Variants in CDC25B observed in about 807,000 individuals in gnomAD.
CDC25B encodes the protein M-phase inducer phosphatase 2.
In CDC25B, 33 loss-of-function variants were observed where a neutral mutation model predicts 69.8. The observed-to-expected ratio is 0.47, with a 90% confidence interval of 0.36 to 0.63. The LOEUF is 0.63. CDC25B is among the 30% of genes least tolerant of loss of function. The pLI is 0.00. For synonymous variants in CDC25B, 341 were observed against 314.6 expected (o/e 1.08, Z -0.89); for missense variants, 727 against 809.1 (o/e 0.90, Z 1.23).
chr20:3,796,449 C>G lies in CDC25B; in HGVS notation c.-83C>G, dbSNP rs896882443. 3 of 871,050 alleles carry G rather than the reference C, an allele frequency of 3.4e-6. No homozygotes were observed. The highest frequency in any genetic ancestry group is 1.3e-4 in the East Asian group (1 of 7,432). 54.0% of individuals were successfully genotyped at this position (871,050 alleles called of 1,614,324 possible). On this transcript the variant is annotated 5_prime_UTR_variant, in exon 1 of 16. Transcript: ENST00000245960. ...CCCCCCCACCCCTCGCCCGCTGCCT[C>G]CCTCGGCCCAGCCAGCTGTGCCGGC...
In CDC25B at chr20:3,803,544, C is replaced by G; in HGVS notation, c.1490+7C>G. 1.2e-6 allele frequency: 2 copies of G among 1,613,860 alleles called. No individual in the cohort carries two copies. The highest frequency in any genetic ancestry group is 2.2e-5 in the East Asian group (1 of 44,876). On this transcript the variant is annotated splice_region_variant and intron_variant, in intron 14 of 15. Coordinates refer to ENST00000245960, the MANE Select transcript of CDC25B (RefSeq NM_021873.4). The surrounding 1 kb of genome is among the most constrained non-coding windows in gnomAD (Gnocchi z 4.9). ...CTGAGCGTGGGCCCCGCATGTGAGT[C>G]CCAGCTCCGCCCAGCCAGCTAGTGT...
rs150900008 is a variant in CDC25B, at chr20:3,803,815, G to C, written c.1490+278G>C. Among the ~76,000 whole-genome samples, 7 of 152,108 alleles carry C rather than the reference G, an allele frequency of 4.6e-5. No individual in the cohort carries two copies. Among genetic ancestry groups the C allele is most frequent in the Admixed American group, 4.6e-4 (7 of 15,262 alleles). ...CAAGTCTCTAGCGGTGTCTTTTCTCGAAATCTAAGGGCCGCGTGTCAGTCC... is the reference window on the plus strand; with the variant it reads ...CAAGTCTCTAGCGGTGTCTTTTCTCCAAATCTAAGGGCCGCGTGTCAGTCC... On this transcript the variant is annotated intron_variant, in intron 14 of 15. Coordinates refer to ENST00000245960, the MANE Select transcript of CDC25B (RefSeq NM_021873.4). The surrounding 1 kb of genome is among the most constrained non-coding windows in gnomAD (Gnocchi z 4.9).
intron 1 of CDC25B, 136 bp from the exon 2 acceptor site, chr20:3,797,486 C>T (rs2146671568): frequency 1.8e-6 from 2 of 1,117,436 alleles, no homozygotes; most frequent in East Asian, 4.8e-5. Context: ...GAAGAGGGGG[C>T]CCTCAGGGCC....
rs868511318 is a variant in CDC25B, at chr20:3,800,739, C to G, written c.460-4C>G. The G allele has an allele frequency of 6.2e-6, 10 of 1,607,984 alleles. No individual in the cohort carries two copies. Among genetic ancestry groups the G allele is most frequent in the Middle Eastern group, 1.7e-4 (1 of 6,042 alleles). ...TCTGCCTGCCGCCCTGCCTGGCTCT[C>G]TAGGTGAGGCTGCTGGGCCACAGCC... On this transcript the variant is annotated splice_polypyrimidine_tract_variant and splice_region_variant and intron_variant, in intron 5 of 15. Transcript: ENST00000245960.
upstream of CDC25B, chr20:3,795,997 G>A: frequency 1.0e-6 from 1 of 989,498 alleles, no homozygotes; most frequent in Non-Finnish European, 1.2e-6. Flanking sequence ...ACGACATGCC[G>A]CGGGGGGTCC....
chr20:3,789,619 C>T (rs866778765), intron 1 of CDC25B, among the ~76,000 whole-genome samples: 11 of 152,248 alleles, frequency 7.2e-5, no homozygotes, highest in Middle Eastern at 6.8e-3. Context: ...GATCTGCCTA[C>T]CTTGGCCTCC....
At chr20:3,795,498 A>G (rs915977803), upstream of CDC25B, among the ~76,000 whole-genome samples, 20 of 152,370 alleles carry the variant, frequency 1.3e-4, no homozygotes, top group South Asian at 4.1e-4. Flanking sequence ...AAGTTAGCCA[A>G]ATCATCAATG....
At chr20:3,790,925 C>T (rs2088905210) in intron 1 of CDC25B, among the ~76,000 whole-genome samples, 1 of 152,008 alleles carries the variant, frequency 6.6e-6, no homozygotes, top group African/African-American at 2.4e-5. Flanking sequence ...AGGCTGGTCT[C>T]GAACTCCTGA....
At chr20:3,794,961 A>G (rs894442531), upstream of CDC25B, among the ~76,000 whole-genome samples, 2 of 152,126 alleles carry the variant, frequency 1.3e-5, no homozygotes, top group Admixed American at 6.6e-5. Context: ...TAACCTGGGG[A>G]GACAGGATGC....
chr20:3,789,382 T>C (rs552332473), intron 1 of CDC25B, among the ~76,000 whole-genome samples: 1 of 152,330 alleles, frequency 6.6e-6, no homozygotes, highest in African/African-American at 2.4e-5. Flanking sequence ...TTTAATTTTT[T>C]TTTTTGAGAC....
upstream of CDC25B, among the ~76,000 whole-genome samples, chr20:3,794,668 C>T (rs1481500762): frequency 6.6e-6 from 1 of 152,164 alleles, no homozygotes; most frequent in Non-Finnish European, 1.5e-5. Flanking sequence ...GAAATTCAGT[C>T]TTGCAGAGCC....
chr20:3,800,834 C>T lies in CDC25B; in HGVS notation c.551C>T (p.Ala184Val), dbSNP rs1459178713. 6.2e-7 allele frequency: 1 copy of T among 1,613,708 alleles called. No homozygotes were observed. Among genetic ancestry groups the T allele is most frequent in the Non-Finnish European group, 8.5e-7 (1 of 1,180,034 alleles). Residue 184 changes from alanine (A) to valine (V), a missense_variant, in exon 6 of 16, where the codon GCT becomes GTT. Ala to Val is a moderately conservative substitution (Grantham distance 64). Around this residue, in one of 2 missense-constraint regions of CDC25B, gnomAD observed 368 missense variants for 345.6 expected, o/e 1.06. Coordinates refer to ENST00000245960, the MANE Select transcript of CDC25B (RefSeq NM_021873.4). ...GRRKSEAGSGAASSSGEDKEN... is the reference protein window; with the variant it reads ...GRRKSEAGSGVASSSGEDKEN... The stretch of plus-strand genomic sequence containing the variant: ...AGGAAGAGCGAGGCGGGCAGTGGAG[C>T]TGCCAGCAGCTCTGGGGAAGACAAG...
At chr20:3,799,534 G>A (rs868817016) in intron 3 of CDC25B, among the ~76,000 whole-genome samples, 3 of 150,892 alleles carry the variant, frequency 2.0e-5, no homozygotes, top group Admixed American at 6.6e-5. Context: ...GTGCGCGCGC[G>A]CGCGTAGATG....
chr20:3,803,411 T>G lies in CDC25B; in HGVS notation c.1364T>G (p.Val455Gly), dbSNP rs752380335. 1 of 1,614,016 alleles carries G rather than the reference T, an allele frequency of 6.2e-7. No homozygotes were observed. Among genetic ancestry groups the G allele is most frequent in the South Asian group, 1.1e-5 (1 of 91,072 alleles). ...CTCTGGCTCCTCTGACAGACTGCGGTGAACTTGCCCCTGGAACGCGACGCC... is the reference window on the plus strand; with the variant it reads ...CTCTGGCTCCTCTGACAGACTGCGGGGAACTTGCCCCTGGAACGCGACGCC... ...EYEGGHIKTA[V>G]NLPLERDAES... The change falls in exon 14 of 16, where the codon GTG (valine) becomes GGG (glycine). Residue 455 changes from valine (V) to glycine (G), a missense_variant. Val to Gly is a moderately radical substitution (Grantham distance 109). This residue lies in a region of CDC25B where 359 missense variants were observed against 463.4 expected (regional missense o/e 0.77). Transcript: ENST00000245960. This position sits in a 1 kb window ranked among gnomAD's most constrained non-coding sequence, Gnocchi z 4.9.
rs2089446062 is a variant in CDC25B at position 3,805,482 on chromosome 20, G to C, written c.*521G>C. 1 of 308,132 alleles carries C rather than the reference G, an allele frequency of 3.2e-6. No individual in the cohort carries two copies. The highest frequency in any genetic ancestry group is 5.4e-5 in the East Asian group (1 of 18,478). 19.1% of individuals were successfully genotyped at this position (308,132 alleles called of 1,614,324 possible). On this transcript the variant is annotated 3_prime_UTR_variant, in exon 16 of 16. Coordinates refer to ENST00000245960, the MANE Select transcript of CDC25B (RefSeq NM_021873.4). ...GCCCCTTTCTCTTTTCCCCTTTCCT[G>C]TCCCACCATACGAGCACCTCCAGCC...
intron 5 of CDC25B, 69 bp from the exon 6 acceptor site, chr20:3,800,674 A>G (rs2146687472): frequency 6.3e-7 from 1 of 1,598,934 alleles, no homozygotes; most frequent in Non-Finnish European, 8.5e-7. Flanking sequence ...TGGAGAAGGT[A>G]GGGCCTGGGC....
intron 3 of CDC25B, among the ~76,000 whole-genome samples, chr20:3,799,758 C>T (rs568961059): frequency 6.6e-6 from 1 of 152,188 alleles, no homozygotes; most frequent in African/African-American, 2.4e-5. Flanking sequence ...CAGACTGGAG[C>T]TGACTGGGGG....
In CDC25B at chr20:3,801,738, C is replaced by T. The variant is rs779320071; in HGVS notation, c.857C>T (p.Pro286Leu). ...ESDLKDDDAVPPGMESLISAP... is the reference protein window; with the variant it reads ...ESDLKDDDAVLPGMESLISAP... ...TGGCCTCAGGATGATGATGCAGTTC[C>T]CCCAGGCATGGAGAGTCTCATTAGT... The change falls in exon 9 of 16, where the codon CCC becomes CTC. Residue 286 changes from proline (P) to leucine (L), a missense_variant. By Grantham distance (98) the Pro-to-Leu change is moderately conservative (BLOSUM62 -3). Coordinates refer to ENST00000245960, the MANE Select transcript of CDC25B (RefSeq NM_021873.4). 16 of 1,604,346 alleles carry T rather than the reference C, an allele frequency of 1.0e-5. No individual in the cohort carries two copies. Among genetic ancestry groups the T allele is most frequent in the Non-Finnish European group, 1.3e-5 (15 of 1,176,172 alleles).
chr20:3,804,073 C>T (rs989695602), intron 14 of CDC25B, among the ~76,000 whole-genome samples: 14 of 152,222 alleles, frequency 9.2e-5, no homozygotes, highest in African/African-American at 2.9e-4. Flanking sequence ...TGCACCCAGA[C>T]GCCCCTTACA....
Sources: gnomAD v4.1 joint callset for allele counts (sites outside exome capture counted in the v4.1 genomes callset) on GRCh38, gnomAD v4.1.1 for gene constraint, gnomAD v4.1.1 regional missense constraint, Gnocchi (gnomAD v3.1) non-coding constraint, MANE v1.5 for transcripts, NCBI Gene and HGNC (gene_info 2026-07-23, HGNC 2026-07-21) for gene names.